ALDH3B2: variants seen among roughly 807,000 people sequenced by gnomAD.
The protein encoded by ALDH3B2 is aldehyde dehydrogenase 3 family member B2, also known as aldehyde dehydrogenase family 3 member B2.
ALDH3B2 carries 45 observed loss-of-function variants against 36.7 expected under a neutral mutation model. The ratio of observed to expected loss-of-function variants is 1.23; its 90% CI spans 0.97 to 1.57. The LOEUF is 1.57. Ranked by LOEUF, ALDH3B2 falls within the 40% of genes most tolerant of loss-of-function variation. The pLI, the probability that ALDH3B2 is intolerant of heterozygous loss-of-function variation, is 0.00. For missense variants in ALDH3B2, 464 were observed against 513.3 expected, an observed-to-expected ratio of 0.90 and a Z score of 0.93; for synonymous variants, 217 against 226.5, an observed-to-expected ratio of 0.96 and a Z score of 0.38.
At chr11:67,674,200 C>T (rs1377263419) in intron 1 of ALDH3B2, among the ~76,000 whole-genome samples, 1 of 152,190 alleles carries the variant, frequency 6.6e-6, no homozygotes, top group Non-Finnish European at 1.5e-5. Flanking sequence ...TCTGTGGCTG[C>T]TTCCCAGGAG....
rs773608548 is a variant in ALDH3B2 at position 67,663,253 on chromosome 11, G to A, written c.1120C>T (p.Arg374Cys). 27 of 1,613,346 alleles carry A rather than the reference G, an allele frequency of 1.7e-5. 1 individual carries two copies. The highest frequency in any genetic ancestry group is 1.3e-4 in the Admixed American group (8 of 59,946). Residue 374 changes from arginine to cysteine, a missense_variant, in exon 10 of 10, where the codon CGC (arginine) becomes TGC (cysteine). Physicochemically the swap from Arg to Cys is radical, Grantham distance 180. Coordinates refer to ENST00000349015, the Ensembl canonical transcript of ALDH3B2. ...CAGCTCTGGGAGCCCATGCCCCAGCGTAACAGCTGCTGGTTCCAGTCGGTA... is the reference window on the plus strand; with the variant it reads ...CAGCTCTGGGAGCCCATGCCCCAGCATAACAGCTGCTGGTTCCAGTCGGTA...
chr11:67,665,990 C>T lies in ALDH3B2; in HGVS notation c.319+132G>A, dbSNP rs534046199. On this transcript the variant is annotated intron_variant, in intron 6 of 9. Coordinates refer to ENST00000349015, the Ensembl canonical transcript of ALDH3B2. ...CCAGGGCGTGGCCTATGCAGGCAGA[C>T]GGACTCTGTGCCAGCTCCAGCTCCC... The T allele has an allele frequency of 7.5e-5, 93 of 1,233,592 alleles. 2 individuals are homozygous for T. Among genetic ancestry groups the T allele is most frequent in the Middle Eastern group, 5.5e-4 (2 of 3,616 alleles). 76.4% of individuals were successfully genotyped at this position (1,233,592 alleles called of 1,614,324 possible). A position where few individuals can be genotyped will look rare whatever the true frequency, so the allele number is the denominator to read the frequency against.
chr11:67,663,218 C>A, exon 10 of ALDH3B2: 1 of 1,605,252 alleles, frequency 6.2e-7, no homozygotes, highest in Middle Eastern at 1.7e-4. Context: ...GGGACGCTCA[C>A]AGGAGGGTGC....
At position 67,662,359 on chromosome 11, in the gene ALDH3B2, A is replaced by G. The variant is rs147473549; in HGVS notation, c.*856T>C. 2.5e-3 allele frequency: 377 copies of G among 152,348 alleles called. 1 individual carries two copies. The highest frequency in any genetic ancestry group is 8.6e-3 in the African/African-American group (358 of 41,556). 9.4% of individuals were successfully genotyped at this position (152,348 alleles called of 1,614,324 possible). ...GGAGTTGGCGATGGTTTTCTGGTGG[A>G]GACGGCCGTGGTAGGTAAGCATCTG... On this transcript the variant is annotated 3_prime_UTR_variant, in exon 10 of 10. Transcript: ENST00000349015.
upstream of ALDH3B2, among the ~76,000 whole-genome samples, chr11:67,676,217 A>G (rs1443705669): frequency 6.6e-6 from 1 of 152,230 alleles, no homozygotes; most frequent in East Asian, 1.9e-4. Context: ...ATTGCACTCC[A>G]GCCTGGGCAA....
exon 7 of ALDH3B2, chr11:67,665,412 G>A (rs747155176): frequency 1.5e-5 from 24 of 1,613,940 alleles, no homozygotes; most frequent in East Asian, 8.9e-5. Flanking sequence ...TCTGGGGGTC[G>A]TCGCCATAGA....
At chr11:67,665,507 T>A in exon 7 of ALDH3B2, 2 of 1,613,924 alleles carry the variant, frequency 1.2e-6, no homozygotes, top group Non-Finnish European at 1.7e-6. Context: ...GCCACGCAGG[T>A]CTGGCCGGCA....
intron 1 of ALDH3B2, among the ~76,000 whole-genome samples, chr11:67,668,600 T>C (rs932312097): frequency 3.3e-5 from 5 of 151,866 alleles, no homozygotes; most frequent in Admixed American, 2.0e-4. Flanking sequence ...CTGTGTGTCT[T>C]TGTATAGCTT....
chr11:67,665,710 C>T (rs557252663), intron 6 of ALDH3B2, 39 bp from the exon 7 acceptor site: 1 of 1,570,960 alleles, frequency 6.4e-7, no homozygotes, highest in Admixed American at 1.8e-5. Context: ...AGTCAGTGAC[C>T]TGGACCAGGC....
At chr11:67,663,702 G>A in exon 9 of ALDH3B2, 6 of 1,613,192 alleles carry the variant, frequency 3.7e-6, no homozygotes, top group Non-Finnish European at 5.1e-6. Context: ...ATATGTAGGT[G>A]AAGCCCTCAT....
chr11:67,669,042 T>A (rs1484187682), intron 1 of ALDH3B2, among the ~76,000 whole-genome samples: 2 of 151,430 alleles, frequency 1.3e-5, no homozygotes, highest in African/African-American at 4.9e-5. Context: ...TGTGTATGGA[T>A]GTCTGTGTCT....
intron 1 of ALDH3B2, among the ~76,000 whole-genome samples, chr11:67,680,706 C>T (rs563554476): frequency 3.3e-5 from 5 of 152,264 alleles, no homozygotes; most frequent in South Asian, 4.1e-4. Flanking sequence ...TGTGAGCCAC[C>T]GCACCTGGCC....
intron 1 of ALDH3B2, among the ~76,000 whole-genome samples, chr11:67,672,065 A>ATG (rs1452818438): frequency 2.5e-5 from 2 of 80,086 alleles, no homozygotes; most frequent in Admixed American, 2.7e-4. Flanking sequence ...ATATATATAT[A>ATG]TATATATATA....
chr11:67,667,083 G>A, intron 2 of ALDH3B2, 67 bp from the exon 3 acceptor site: 1 of 881,946 alleles, frequency 1.1e-6, no homozygotes, highest in Non-Finnish European at 1.8e-6. Flanking sequence ...TAGAATTTGA[G>A]GAGGGCACAC....
intron 5 of ALDH3B2, 29 bp from the exon 6 acceptor site, chr11:67,666,232 G>C (rs200089233): frequency 6.7e-7 from 1 of 1,499,144 alleles, no homozygotes; most frequent in Non-Finnish European, 8.9e-7. Flanking sequence ...GGCTCGGGGC[G>C]GGCTCGGGGC....
intron 1 of ALDH3B2, among the ~76,000 whole-genome samples, chr11:67,672,814 C>G (rs1435370394): frequency 1.3e-5 from 2 of 152,052 alleles, no homozygotes; most frequent in Admixed American, 1.3e-4. Flanking sequence ...TGGTTTCAAA[C>G]TCCTGTCCTC....
chr11:67,669,081 G>A (rs376435095), intron 1 of ALDH3B2, among the ~76,000 whole-genome samples: 1 of 151,126 alleles, frequency 6.6e-6, no homozygotes, highest in Non-Finnish European at 1.5e-5. Context: ...GTGTGTCTTC[G>A]TGTGTCCGTG....
At chr11:67,676,500 A>G (rs1856275286), upstream of ALDH3B2, among the ~76,000 whole-genome samples, 1 of 152,006 alleles carries the variant, frequency 6.6e-6, no homozygotes, top group Non-Finnish European at 1.5e-5. Flanking sequence ...CCTACATCAA[A>G]AAGTCTGAAA....
chr11:67,668,405 C>T (rs1313150586), intron 1 of ALDH3B2, among the ~76,000 whole-genome samples: 2 of 152,080 alleles, frequency 1.3e-5, no homozygotes, highest in Non-Finnish European at 2.9e-5. Flanking sequence ...GAGGAAGGAT[C>T]AGGACCCTGG....
Sources: gnomAD v4.1 joint callset for allele counts (sites outside exome capture counted in the v4.1 genomes callset) on GRCh38, gnomAD v4.1.1 for gene constraint, MANE v1.5 for transcripts, NCBI Gene and HGNC (gene_info 2026-07-23, HGNC 2026-07-21) for gene names.